Variants in NOX3 observed in about 807,000 individuals in gnomAD.
NOX3 encodes NADPH oxidase 3.
NOX3 carries 74 observed loss-of-function variants against 76.7 expected under a neutral mutation model. The ratio of observed to expected loss-of-function variants is 0.96; its 90% CI spans 0.80 to 1.17. NOX3 has a LOEUF of 1.17. Ranked by LOEUF, NOX3 falls within the 50% of genes most tolerant of loss-of-function variation. NOX3 has a pLI of 0.00. For synonymous variants in NOX3, 263 were observed against 261.1 expected, an observed-to-expected ratio of 1.01 and a Z score of -0.07; for missense variants, 695 against 703.3, an observed-to-expected ratio of 0.99 and a Z score of 0.13.
chr6:155,402,864 A>G (rs932355935), intron 12 of NOX3, among the ~76,000 whole-genome samples: 30 of 152,184 alleles, frequency 2.0e-4, no homozygotes, highest in African/African-American at 7.2e-4. Context: ...AGAACAAAGA[A>G]CCTTTTCTGA....
chr6:155,400,201 A>G (rs1247943710), intron 12 of NOX3, among the ~76,000 whole-genome samples: 2 of 152,160 alleles, frequency 1.3e-5, no homozygotes, highest in Admixed American at 1.3e-4. Context: ...CCACCAGGAG[A>G]TTTCAGCCCA....
intron 5 of NOX3, among the ~76,000 whole-genome samples, chr6:155,442,648 G>A (rs1409062875): frequency 1.3e-5 from 2 of 152,208 alleles, no homozygotes; most frequent in Non-Finnish European, 2.9e-5. Context: ...TCTTCATCTC[G>A]GAACATAGAT....
At chr6:155,399,420 G>A (rs1030027850) in intron 12 of NOX3, among the ~76,000 whole-genome samples, 5 of 152,184 alleles carry the variant, frequency 3.3e-5, no homozygotes, top group Admixed American at 2.0e-4. Context: ...GTCTTTTGAA[G>A]TTGTGGCTAT....
At chr6:155,405,288 G>A (rs1254177341) in intron 12 of NOX3, among the ~76,000 whole-genome samples, 1 of 152,140 alleles carries the variant, frequency 6.6e-6, no homozygotes, top group African/African-American at 2.4e-5. Flanking sequence ...ATGGAAAGAA[G>A]GTCAGGGTAT....
At chr6:155,443,851 CATTT>C (rs1777027117) in intron 4 of NOX3, among the ~76,000 whole-genome samples, 1 of 151,520 alleles carries the variant, frequency 6.6e-6, no homozygotes, top group East Asian at 1.9e-4. Flanking sequence ...AAAATCTCCA[CATTT>C]ATTTAAGTTA....
intron 12 of NOX3, among the ~76,000 whole-genome samples, chr6:155,399,808 A>G (rs1053484383): frequency 2.0e-5 from 3 of 152,062 alleles, no homozygotes; most frequent in Non-Finnish European, 2.9e-5. Context: ...AAATTCTTCT[A>G]TAAAATTTAA....
intron 4 of NOX3, among the ~76,000 whole-genome samples, chr6:155,450,201 G>C (rs543703876): frequency 1.2e-4 from 18 of 152,266 alleles, no homozygotes; most frequent in African/African-American, 4.1e-4. Context: ...GTGGGGTTCA[G>C]GAGGAAGGGG....
intron 3 of NOX3, 129 bp from the exon 4 acceptor site, chr6:155,453,617 T>C (rs1216643212): frequency 7.1e-6 from 5 of 703,826 alleles, no homozygotes; most frequent in African/African-American, 3.5e-5. Flanking sequence ...GACACAAAAG[T>C]TAATGGCCAT....
rs1308022907 is a variant in NOX3 at position 155,436,562 on chromosome 6, A to G, written c.669-15T>C. On this transcript the variant is annotated splice_polypyrimidine_tract_variant and intron_variant, in intron 6 of 13. Transcript: ENST00000159060. Reference sequence around the variant, plus strand: ...GAACAATCCGACTTGTTATTTAAGAAAAGCAAAACAAAACAAAAAGCAAAA... The same window carrying G: ...GAACAATCCGACTTGTTATTTAAGAGAAGCAAAACAAAACAAAAAGCAAAA... 1 of 1,611,650 alleles carries G rather than the reference A, an allele frequency of 6.2e-7. No individual in the cohort carries two copies. Among genetic ancestry groups the G allele is most frequent in the South Asian group, 1.1e-5 (1 of 90,644 alleles).
chr6:155,429,016 A>C lies in NOX3; in HGVS notation c.923T>G (p.Leu308Arg), dbSNP rs779767242. ...TTTAAAGCCACGCTTTTTCATGTGAAGTTCCAGGACTCCAGAGGGGTGGCT... is the reference window on the plus strand; with the variant it reads ...TTTAAAGCCACGCTTTTTCATGTGACGTTCCAGGACTCCAGAGGGGTGGCT... ...VVSHPSGVLE[L>R]HMKKRGFKMA... Residue 308 changes from leucine (L) to arginine (R), a missense_variant, in exon 9 of 14, where the codon CTT (leucine) becomes CGT (arginine). Physicochemically the swap from Leu to Arg is moderately radical, Grantham distance 102 (BLOSUM62 -2). Coordinates refer to ENST00000159060, the MANE Select transcript of NOX3 (RefSeq NM_015718.3). The C allele has an allele frequency of 1.2e-5, 20 of 1,609,666 alleles. No homozygotes were observed. The highest frequency in any genetic ancestry group is 1.7e-6 in the Non-Finnish European group (2 of 1,177,142).
chr6:155,405,059 T>A (rs1562457838), intron 12 of NOX3, among the ~76,000 whole-genome samples: 1 of 152,076 alleles, frequency 6.6e-6, no homozygotes. Flanking sequence ...TAAATAATAT[T>A]CACCAGAGAA....
At chr6:155,411,953 A>G (rs1256392845) in intron 10 of NOX3, among the ~76,000 whole-genome samples, 1 of 152,202 alleles carries the variant, frequency 6.6e-6, no homozygotes, top group African/African-American at 2.4e-5. Context: ...GCTATAATGA[A>G]ATTATGACTG....
At chr6:155,451,143 TA>T (rs1479485291) in intron 4 of NOX3, among the ~76,000 whole-genome samples, 1 of 152,072 alleles carries the variant, frequency 6.6e-6, no homozygotes, top group African/African-American at 2.4e-5. Flanking sequence ...CATACCTGGC[TA>T]ATTTTTGCAT....
chr6:155,433,287 G>T (rs1316298862), intron 7 of NOX3, among the ~76,000 whole-genome samples: 4 of 152,214 alleles, frequency 2.6e-5, no homozygotes, highest in African/African-American at 9.7e-5. Context: ...GGAGCCCCTG[G>T]AAGTCAGGGC....
intron 4 of NOX3, among the ~76,000 whole-genome samples, chr6:155,445,822 C>G (rs1362666476): frequency 6.7e-6 from 1 of 148,954 alleles, no homozygotes. Context: ...GAAAATCAAT[C>G]TATAAATACA....
At position 155,443,433 on chromosome 6, in the gene NOX3, T is replaced by C; in HGVS notation, c.341-15A>G. 1.9e-6 allele frequency: 3 copies of C among 1,613,042 alleles called. No homozygotes were observed. The highest frequency in any genetic ancestry group is 1.3e-5 in the African/African-American group (1 of 75,034). ...GATGTGGATGGCTAGGACAAGGAGATGACACCAAACATGCACCCTGTGGCT... is the reference window on the plus strand; with the variant it reads ...GATGTGGATGGCTAGGACAAGGAGACGACACCAAACATGCACCCTGTGGCT... On this transcript the variant is annotated splice_polypyrimidine_tract_variant and intron_variant, in intron 4 of 13. Transcript: ENST00000159060.
Position 155,436,552 on chromosome 6 carries a change from T to C in NOX3, c.669-5A>G. On this transcript the variant is annotated splice_polypyrimidine_tract_variant and splice_region_variant and intron_variant, in intron 6 of 13. Transcript: ENST00000159060. ...GTTTGGCCTCGAACAATCCGACTTG[T>C]TATTTAAGAAAAGCAAAACAAAACA... 6.2e-7 allele frequency: 1 copy of C among 1,609,318 alleles called. No individual in the cohort carries two copies. The highest frequency in any genetic ancestry group is 1.7e-4 in the Middle Eastern group (1 of 6,052).
chr6:155,405,310 G>A (rs1160702321), intron 12 of NOX3, among the ~76,000 whole-genome samples: 1 of 152,156 alleles, frequency 6.6e-6, no homozygotes, highest in Non-Finnish European at 1.5e-5. Context: ...GAAGACCCAA[G>A]GGGCATGATT....
At chr6:155,453,186 C>G (rs546248580) in intron 4 of NOX3, among the ~76,000 whole-genome samples, 1 of 152,098 alleles carries the variant, frequency 6.6e-6, no homozygotes, top group Non-Finnish European at 1.5e-5. Flanking sequence ...GTTTCACCAA[C>G]TTTTCTTTGA....
Sources: gnomAD v4.1 joint callset for allele counts (sites outside exome capture counted in the v4.1 genomes callset) on GRCh38, gnomAD v4.1.1 for gene constraint, MANE v1.5 for transcripts, NCBI Gene and HGNC (gene_info 2026-07-23, HGNC 2026-07-21) for gene names.